SLCO3A1: variants seen among roughly 807,000 people sequenced by gnomAD.
SLCO3A1 encodes solute carrier organic anion transporter family member 3A1.
SLCO3A1 carries 27 observed loss-of-function variants against 63.1 expected under a neutral mutation model. The observed-to-expected ratio is 0.43, with a 90% CI of 0.32 to 0.59. The LOEUF (loss-of-function observed/expected upper bound fraction) is 0.59, where lower values mean the gene tolerates loss of function less well. SLCO3A1 is among the 20% of genes least tolerant of loss of function. SLCO3A1 has a pLI of 0.09. For missense variants in SLCO3A1, 773 were observed against 945.8 expected (o/e 0.82, Z 2.40); for synonymous variants, 473 against 409.9 (o/e 1.15, Z -1.86).
chr15:92,089,876 A>G (rs776070716), intron 2 of SLCO3A1, among the ~76,000 whole-genome samples: 2 of 152,310 alleles, frequency 1.3e-5, no homozygotes, highest in East Asian at 3.9e-4. Context: ...GCAAATTTGC[A>G]ACAGAGGGTC....
chr15:91,869,644 A>C (rs1042049277), intron 1 of SLCO3A1, among the ~76,000 whole-genome samples: 3 of 152,066 alleles, frequency 2.0e-5, no homozygotes, highest in Non-Finnish European at 4.4e-5. Flanking sequence ...GGCTGCAGTG[A>C]GCCGTAATAG....
intron 2 of SLCO3A1, among the ~76,000 whole-genome samples, chr15:92,072,142 C>A (rs1372153058): frequency 6.6e-6 from 1 of 151,870 alleles, no homozygotes; most frequent in Non-Finnish European, 1.5e-5. Flanking sequence ...AAAATGGAGG[C>A]CTTTTGGAAG....
intron 7 of SLCO3A1, among the ~76,000 whole-genome samples, chr15:92,143,941 G>A (rs1342617297): frequency 6.6e-6 from 1 of 152,186 alleles, no homozygotes; most frequent in Non-Finnish European, 1.5e-5. Context: ...GATGTGGGGA[G>A]CCACGTGGCC....
chr15:91,891,141 A>G (rs201445132), intron 1 of SLCO3A1, among the ~76,000 whole-genome samples: 12 of 44,920 alleles, frequency 2.7e-4, no homozygotes, highest in Non-Finnish European at 3.5e-4. Flanking sequence ...GGCATTTTGG[A>G]AAAAAAAAAA....
intron 2 of SLCO3A1, among the ~76,000 whole-genome samples, chr15:92,017,978 G>A (rs1170162927): frequency 6.6e-6 from 1 of 152,180 alleles, no homozygotes; most frequent in Non-Finnish European, 1.5e-5. Flanking sequence ...ACTTCTTGAT[G>A]AAGCAGGCAA....
intron 1 of SLCO3A1, among the ~76,000 whole-genome samples, chr15:91,904,819 T>C (rs1285549461): frequency 2.0e-5 from 3 of 152,238 alleles, no homozygotes; most frequent in Middle Eastern, 3.2e-3. Flanking sequence ...GGTAATCATA[T>C]TATTTTATTA....
At chr15:91,890,326 G>C (rs913862965) in intron 1 of SLCO3A1, among the ~76,000 whole-genome samples, 2 of 152,168 alleles carry the variant, frequency 1.3e-5, no homozygotes, top group African/African-American at 2.4e-5. Context: ...GGTGGTGGTT[G>C]TATTTTTAAG....
intron 4 of SLCO3A1, among the ~76,000 whole-genome samples, chr15:92,109,215 C>T (rs1402921075): frequency 6.6e-6 from 1 of 152,164 alleles, no homozygotes; most frequent in African/African-American, 2.4e-5. Flanking sequence ...GCAAGTGAGG[C>T]TTGTAGATGG....
At chr15:92,101,675 C>A (rs1411604290) in intron 3 of SLCO3A1, among the ~76,000 whole-genome samples, 1 of 152,178 alleles carries the variant, frequency 6.6e-6, no homozygotes, top group African/African-American at 2.4e-5. Context: ...CATGTTATTT[C>A]TCTCTGCCAC....
At chr15:92,083,505 G>A (rs935368137) in intron 2 of SLCO3A1, among the ~76,000 whole-genome samples, 2 of 152,234 alleles carry the variant, frequency 1.3e-5, no homozygotes, top group South Asian at 2.1e-4. Context: ...GGACAGCTGA[G>A]AAGTGCCTGG....
chr15:92,117,640 T>C (rs916602114), intron 4 of SLCO3A1, among the ~76,000 whole-genome samples: 1 of 152,228 alleles, frequency 6.6e-6, no homozygotes, highest in Non-Finnish European at 1.5e-5. Flanking sequence ...ATACTGTTCT[T>C]ACTACATTGT....
chr15:92,077,848 A>G (rs930359544), intron 2 of SLCO3A1, among the ~76,000 whole-genome samples: 2 of 152,184 alleles, frequency 1.3e-5, no homozygotes, highest in African/African-American at 4.8e-5. Flanking sequence ...AAAGCCCTCA[A>G]CCTTCTGCTG....
chr15:91,980,843 G>T (rs141040826), intron 2 of SLCO3A1, among the ~76,000 whole-genome samples: 1 of 152,132 alleles, frequency 6.6e-6, no homozygotes, highest in South Asian at 2.1e-4. Flanking sequence ...TCCCAGGTCC[G>T]GGAAAGACTC....
chr15:92,087,230 A>G (rs901639891), intron 2 of SLCO3A1, among the ~76,000 whole-genome samples: 2 of 150,740 alleles, frequency 1.3e-5, no homozygotes, highest in African/African-American at 4.9e-5. Context: ...TCTTTCCCCA[A>G]CTGTTTTGCA....
intron 1 of SLCO3A1, among the ~76,000 whole-genome samples, chr15:91,870,474 G>A (rs191533038): frequency 2.1e-3 from 319 of 152,324 alleles, no homozygotes; most frequent in South Asian, 6.2e-3. Context: ...ATATTTGACA[G>A]ATAATTTAAT....
Position 91,885,034 on chromosome 15 carries a change from G to A in SLCO3A1, c.180+30946G>A, listed in dbSNP as rs983750111. On this transcript the variant is annotated intron_variant, in intron 1 of 9. Transcript: ENST00000318445. The surrounding 1 kb of genome is among the most constrained non-coding windows in gnomAD (Gnocchi z 4.7). ...AAAGCTTTCTGGGGAAAGGAGTTGT[G>A]TGGGTTCTCCAATTCTTGTTCCTTT... Among the ~76,000 whole-genome samples the A allele has an allele frequency of 4.6e-5, 7 of 152,098 alleles. No individual in the cohort carries two copies. Among genetic ancestry groups the A allele is most frequent in the African/African-American group, 7.2e-5 (3 of 41,412 alleles).
chr15:91,970,237 T>C (rs535593876), intron 2 of SLCO3A1, among the ~76,000 whole-genome samples: 1 of 152,324 alleles, frequency 6.6e-6, no homozygotes, highest in African/African-American at 2.4e-5. Flanking sequence ...ACTAATATTT[T>C]AGTGTATTAT....
At position 91,856,532 on chromosome 15, in the gene SLCO3A1, T is replaced by C. The variant is rs1257244391; in HGVS notation, c.180+2444T>C. On this transcript the variant is annotated intron_variant, in intron 1 of 9. Transcript: ENST00000318445. This position sits in a 1 kb window ranked among gnomAD's most constrained non-coding sequence, Gnocchi z 4.9. ...GTTTGCTCCTTCAGCCATGCGAGAC[T>C]TCTCTGTGGATAATTGGAGAATGAA... Among the ~76,000 whole-genome samples the C allele has an allele frequency of 3.9e-5, 6 of 152,190 alleles. No homozygotes were observed. The highest frequency in any genetic ancestry group is 1.4e-4 in the African/African-American group (6 of 41,450).
chr15:92,125,033 A>G (rs1567132751), intron 5 of SLCO3A1, among the ~76,000 whole-genome samples: 2 of 152,218 alleles, frequency 1.3e-5, no homozygotes, highest in Admixed American at 1.3e-4. Context: ...AGAGCAGCAG[A>G]TGATAAAGAG....
Sources: gnomAD v4.1 joint callset for allele counts (sites outside exome capture counted in the v4.1 genomes callset) on GRCh38, gnomAD v4.1.1 for gene constraint, Gnocchi (gnomAD v3.1) non-coding constraint, MANE v1.5 for transcripts, NCBI Gene and HGNC (gene_info 2026-07-23, HGNC 2026-07-21) for gene names.